The following RPL4 variants were observed in gnomAD, a reference collection of about 807,000 sequenced individuals.
RPL4 encodes large ribosomal subunit protein uL4.
RPL4 carries 3 observed loss-of-function variants against 47.7 expected under a neutral mutation model. The observed-to-expected ratio is 0.06, with a 90% CI of 0.03 to 0.16. The LOEUF (loss-of-function observed/expected upper bound fraction) is 0.16, where lower values mean the gene tolerates loss of function less well. RPL4 is among the 10% of genes least tolerant of loss of function. RPL4 has a pLI of 1.00. For synonymous variants in RPL4, 208 were observed against 182.1 expected (o/e 1.14, Z -1.15); for missense variants, 413 against 551.3 (o/e 0.75, Z 2.51).
In RPL4 at chr15:66,499,582, G is replaced by A. The variant is rs746341624; in HGVS notation, c.1109C>T (p.Ala370Val). ...ALQAKSDEKA[A>V]VAGKKPVVGK... is the part of the protein sequence containing the mutation. ...TACCACAGGCTTCTTGCCTGCAACCGCCGCCTTCTCATCTGATTTGGCTTG... is the reference window on the plus strand; with the variant it reads ...TACCACAGGCTTCTTGCCTGCAACCACCGCCTTCTCATCTGATTTGGCTTG... Residue 370 changes from alanine to valine, a missense_variant, in exon 10 of 10, where the codon GCG (alanine) becomes GTG (valine). Physicochemically the swap from Ala to Val is moderately conservative, Grantham distance 64 (BLOSUM62 0). Transcript: ENST00000307961. 4.5e-5 allele frequency: 72 copies of A among 1,613,874 alleles called. 1 individual carries two copies. In the Middle Eastern group the frequency reaches 5.3e-3, roughly 119 times the overall value.
At chr15:66,499,879 C>T (rs139181629) in intron 9 of RPL4, 177 bp downstream of exon 9, 1 of 941,660 alleles carries the variant, frequency 1.1e-6, no homozygotes, top group Non-Finnish European at 1.6e-6. Context: ...AAAAATTAGC[C>T]GGACATGGTG....
chr15:66,503,081 A>G lies in RPL4; in HGVS notation c.259T>C (p.Ser87Pro). Residue 87 changes from serine to proline, a missense_variant, in exon 3 of 10, where the codon TCT (serine) becomes CCT (proline). Around this residue, in one of 4 missense-constraint regions of RPL4, gnomAD observed 9 missense variants for 53.8 expected, o/e 0.17. Transcript: ENST00000307961. ...PRVRGGGTHR[S>P]GQGAFGNMCR... ...ACGTTTCCAAAAGCACCCTGGCCAGAGCGGTGAGTCCCACCACCTCGAACT... is the reference window on the plus strand; with the variant it reads ...ACGTTTCCAAAAGCACCCTGGCCAGGGCGGTGAGTCCCACCACCTCGAACT... 1 of 1,613,972 alleles carries G rather than the reference A, an allele frequency of 6.2e-7. No homozygotes were observed. Among genetic ancestry groups the G allele is most frequent in the South Asian group, 1.1e-5 (1 of 91,042 alleles).
chr15:66,503,378 T>C lies in RPL4; in HGVS notation c.155A>G (p.Tyr52Cys), dbSNP rs1214070498. The change falls in exon 2 of 10, where the codon TAT becomes TGT. Residue 52 changes from tyrosine to cysteine, a missense_variant. Physicochemically the swap from Tyr to Cys is radical, Grantham distance 194 (BLOSUM62 -2). Around this residue, in one of 4 missense-constraint regions of RPL4, gnomAD observed 56 missense variants for 70.6 expected, o/e 0.79. Coordinates refer to ENST00000307961, the MANE Select transcript of RPL4 (RefSeq NM_000968.4). Reference protein sequence around the residue: ...TNLRKNNRQPYAVSELAGHQT... With the variant: ...TNLRKNNRQPCAVSELAGHQT... ...CATACCTGCTAATTCACTGACAGCA[T>C]AGGGCTGTCTGTTGTTTTTGCGCAA... is the stretch of plus-strand genomic sequence containing the variant. 5.0e-6 allele frequency: 8 copies of C among 1,610,242 alleles called. No homozygotes were observed. The highest frequency in any genetic ancestry group is 2.7e-5 in the African/African-American group (2 of 74,914).
At chr15:66,502,358 G>C (rs1468196038) in intron 4 of RPL4, 1 of 460,356 alleles carries the variant, frequency 2.2e-6, no homozygotes, top group Non-Finnish European at 3.8e-6. Flanking sequence ...AAATATTTTT[G>C]ATTAAAAAAT....
Position 66,503,407 on chromosome 15 carries a change from G to C in RPL4, c.126C>G (p.Thr42=), listed in dbSNP as rs1465685550. Residue 42 remains threonine, a synonymous_variant, in exon 2 of 10, where the codon ACC becomes ACG. Coordinates refer to ENST00000307961, the MANE Select transcript of RPL4 (RefSeq NM_000968.4). ...IRPDIVNFVH[T]NLRKNNRQPY... ...GCTGTCTGTTGTTTTTGCGCAAGTTGGTGTGAACAAAGTTCACAATATCTG... is the reference window on the plus strand; with the variant it reads ...GCTGTCTGTTGTTTTTGCGCAAGTTCGTGTGAACAAAGTTCACAATATCTG... 1 of 1,610,880 alleles carries C rather than the reference G, an allele frequency of 6.2e-7. No homozygotes were observed.
Position 66,500,156 on chromosome 15 carries a change from A to C in RPL4, c.938T>G (p.Val313Gly). 2 of 1,613,720 alleles carry C rather than the reference A, an allele frequency of 1.2e-6. No individual in the cohort carries two copies. The highest frequency in any genetic ancestry group is 1.7e-6 in the Non-Finnish European group (2 of 1,179,936). Residue 313 changes from valine to glycine, a missense_variant, in exon 9 of 10, where the codon GTC (valine) becomes GGC (glycine). Val to Gly is a moderately radical substitution (Grantham distance 109). Transcript: ENST00000307961. ...RAPRKKIHRR[V>G]LKKNPLKNLR... ...GTTTTTCAGTGGGTTCTTCTTTAGG[A>C]CTCTGCGATGGATCTTCTTGCTATA...
intron 1 of RPL4, among the ~76,000 whole-genome samples, chr15:66,503,983 T>C (rs1893687916): frequency 6.6e-6 from 1 of 152,208 alleles, no homozygotes; most frequent in African/African-American, 2.4e-5. Flanking sequence ...TTCCCAACTG[T>C]GAGTAAACTG....
chr15:66,500,401 A>G (rs371607586), intron 7 of RPL4, 25 bp from the exon 8 acceptor site: 2 of 1,600,740 alleles, frequency 1.2e-6, no homozygotes, highest in Non-Finnish European at 1.7e-6. Flanking sequence ...ATTGACATGT[A>G]CATGTAAAAG....
intron 8 of RPL4, 22 bp from the exon 9 acceptor site, chr15:66,500,198 A>ATCAACATTTTAC (rs1893581958): frequency 6.2e-7 from 1 of 1,613,792 alleles, no homozygotes. Flanking sequence ...CAGATACTGT[A>ATCAACATTTTAC]TCAACATTTT....
chr15:66,504,680 C>T, intron 1 of RPL4, 108 bp downstream of exon 1: 1 of 1,503,996 alleles, frequency 6.6e-7, no homozygotes, highest in Non-Finnish European at 9.0e-7. Flanking sequence ...TGGTCCTCAT[C>T]TCCCTCTCCT....
In RPL4 at chr15:66,500,092, G is replaced by A. The variant is rs1482782970; in HGVS notation, c.1002C>T (p.Thr334=). ...IMLKLNPYAK[T]MRRNTILRQA... Reference sequence around the variant, plus strand: ...GGCGAAGAATGGTGTTCCGGCGCATGGTCTTTGCATATGGGTTTAGCTTCA... The same window carrying A: ...GGCGAAGAATGGTGTTCCGGCGCATAGTCTTTGCATATGGGTTTAGCTTCA... The change falls in exon 9 of 10, where the codon ACC becomes ACT. Residue 334 remains threonine, a synonymous_variant. Coordinates refer to ENST00000307961, the MANE Select transcript of RPL4 (RefSeq NM_000968.4). The A allele has an allele frequency of 6.2e-7, 1 of 1,612,284 alleles. No homozygotes were observed. The highest frequency in any genetic ancestry group is 8.5e-7 in the Non-Finnish European group (1 of 1,179,864).
intron 2 of RPL4, 45 bp from the exon 3 acceptor site, chr15:66,503,209 TAC>T: frequency 1.3e-6 from 2 of 1,599,224 alleles, no homozygotes; most frequent in Non-Finnish European, 1.7e-6. Flanking sequence ...TCATCATACA[TAC>T]CAACCCATGA....
intron 1 of RPL4, 64 bp from the exon 2 acceptor site, chr15:66,503,593 C>T (rs1448039030): frequency 1.3e-5 from 20 of 1,484,600 alleles, no homozygotes; most frequent in East Asian, 2.3e-5. Context: ...TCTTCTCATA[C>T]GCCAACAATA....
In RPL4 at chr15:66,498,711, C is replaced by T. The variant is rs1054814105; in HGVS notation, c.*696G>A. ...TCCCAGGTTCAAGTGATTCTCTTGCCTCAGCCTCCAAGTAGCTGGGGTTAC... is the reference window on the plus strand; with the variant it reads ...TCCCAGGTTCAAGTGATTCTCTTGCTTCAGCCTCCAAGTAGCTGGGGTTAC... On this transcript the variant is annotated 3_prime_UTR_variant, in exon 10 of 10. Transcript: ENST00000307961. 6.6e-6 allele frequency: 1 copy of T among 152,452 alleles called. No individual in the cohort carries two copies. Among genetic ancestry groups the T allele is most frequent in the African/African-American group, 2.4e-5 (1 of 41,460 alleles). 9.4% of individuals were successfully genotyped at this position (152,452 alleles called of 1,614,324 possible).
chr15:66,501,212 T>C (rs766202096), intron 6 of RPL4, 107 bp from the exon 7 acceptor site: 12 of 1,553,292 alleles, frequency 7.7e-6, no homozygotes, highest in Non-Finnish European at 8.9e-6. Context: ...TTATTAATTA[T>C]GAAGTTTCAA....
chr15:66,502,020 C>T (rs771633143), intron 4 of RPL4, 108 bp from the exon 5 acceptor site: 3 of 1,390,922 alleles, frequency 2.2e-6, no homozygotes, highest in Non-Finnish European at 3.0e-6. Context: ...TTCCGTTTGC[C>T]AAGTCAGAAT....
At position 66,498,113 on chromosome 15, in the gene RPL4, G is replaced by A; in HGVS notation, c.*1294C>T. 1 of 240,898 alleles carries A rather than the reference G, an allele frequency of 4.2e-6. No homozygotes were observed. Among genetic ancestry groups the A allele is most frequent in the African/African-American group, 2.2e-5 (1 of 44,670 alleles). The allele number at this position is 240,898 out of a possible 1,614,324, so 14.9% of individuals were successfully genotyped here. A position where few individuals can be genotyped will look rare whatever the true frequency, so the allele number is the denominator to read the frequency against. Reference sequence around the variant, plus strand: ...GTGAACAGCACTTCCAATGTGGTGTGCCACCAAGTGGCTATCTTTAACCCC... The same window carrying A: ...GTGAACAGCACTTCCAATGTGGTGTACCACCAAGTGGCTATCTTTAACCCC... On this transcript the variant is annotated 3_prime_UTR_variant, in exon 10 of 10. Transcript: ENST00000307961.
intron 2 of RPL4, 82 bp from the exon 3 acceptor site, chr15:66,503,246 A>C: frequency 6.3e-7 from 1 of 1,584,930 alleles, no homozygotes; most frequent in Non-Finnish European, 8.7e-7. Context: ...AGCAAACAGC[A>C]TCAGAACATC....
At position 66,498,585 on chromosome 15, in the gene RPL4, A is replaced by C. The variant is rs1893525989; in HGVS notation, c.*822T>G. ...GGTTAACATAATCACCAAGACACACAGGCAGTCCTGAAAAATGCTTCTGGT... is the reference window on the plus strand; with the variant it reads ...GGTTAACATAATCACCAAGACACACCGGCAGTCCTGAAAAATGCTTCTGGT... On this transcript the variant is annotated 3_prime_UTR_variant, in exon 10 of 10. Coordinates refer to ENST00000307961, the MANE Select transcript of RPL4 (RefSeq NM_000968.4). 1 of 152,338 alleles carries C rather than the reference A, an allele frequency of 6.6e-6. No homozygotes were observed. The highest frequency in any genetic ancestry group is 6.5e-5 in the Admixed American group (1 of 15,294). The allele number at this position is 152,338 out of a possible 1,614,324, so 9.4% of individuals were successfully genotyped here.
Sources: allele counts gnomAD v4.1 joint callset (sites outside exome capture counted in the v4.1 genomes callset), GRCh38; gene constraint gnomAD v4.1.1; regional missense constraint gnomAD v4.1.1; transcripts MANE v1.5; gene names NCBI Gene and HGNC (gene_info 2026-07-23, HGNC 2026-07-21).